WIPI1: variants seen among roughly 807,000 people sequenced by gnomAD.
WIPI1 encodes WD repeat domain, phosphoinositide interacting 1.
A neutral mutation model predicts 55.3 loss-of-function variants in WIPI1; 45 were observed. The observed-to-expected ratio is 0.81, with a 90% CI of 0.64 to 1.04. WIPI1 has a LOEUF of 1.04. Ranked by LOEUF, WIPI1 falls within the 50% of genes least tolerant of loss-of-function variation. The pLI is 0.00. For missense variants in WIPI1, 445 were observed against 559.0 expected, an observed-to-expected ratio of 0.80 and a Z score of 2.06; for synonymous variants, 195 against 217.6, an observed-to-expected ratio of 0.90 and a Z score of 0.92.
chr17:68,426,254 GCTCAAATAA>G, intron 11 of WIPI1, 79 bp from the exon 12 acceptor site: 1 of 816,922 alleles, frequency 1.2e-6, no homozygotes, highest in Non-Finnish European at 1.9e-6. Context: ...GGGAGCGGGG[GCTCAAATAA>G]AGGGCAAAGG....
At chr17:68,449,203 A>C (rs1022871637) in intron 3 of WIPI1, among the ~76,000 whole-genome samples, 10 of 152,266 alleles carry the variant, frequency 6.6e-5, no homozygotes, top group Non-Finnish European at 1.5e-4. Flanking sequence ...GCATGGTCAC[A>C]TAAAGAATCT....
At chr17:68,426,985 TCCAC>T in intron 11 of WIPI1, 146 bp downstream of exon 11, 1 of 663,192 alleles carries the variant, frequency 1.5e-6, no homozygotes, top group Admixed American at 2.8e-5. Context: ...AGGAGAGCAC[TCCAC>T]CCCCAGGTAA....
intron 5 of WIPI1, 85 bp downstream of exon 5, chr17:68,436,297 A>G (rs2083782751): frequency 7.9e-7 from 1 of 1,266,470 alleles, no homozygotes; most frequent in Admixed American, 1.7e-5. Flanking sequence ...CCAGCCCCCG[A>G]CGGCAGGGCG....
At position 68,421,824 on chromosome 17, in the gene WIPI1, C is replaced by T. The variant is rs1600224362; in HGVS notation, c.1294-4G>A. 1.2e-6 allele frequency: 2 copies of T among 1,614,162 alleles called. No homozygotes were observed. Among genetic ancestry groups the T allele is most frequent in the Non-Finnish European group, 1.7e-6 (2 of 1,180,026 alleles). On this transcript the variant is annotated splice_polypyrimidine_tract_variant and splice_region_variant and intron_variant, in intron 12 of 12. Transcript: ENST00000262139. ...GATTTCCACGGCACAAGATTATCTA[C>T]CAAAATCAAAACAGAATGGCCTTAC...
At chr17:68,456,995 T>TCTC in intron 1 of WIPI1, among the ~76,000 whole-genome samples, 1 of 152,296 alleles carries the variant, frequency 6.6e-6, no homozygotes, top group East Asian at 1.9e-4. Context: ...GGCCACTGTC[T>TCTC]CTCTTCCCCA....
At position 68,433,471 on chromosome 17, in the gene WIPI1, T is replaced by TTGG; in HGVS notation, c.794_796dup (p.Thr265dup). On this transcript the variant is annotated inframe_insertion, in exon 8 of 13. Coordinates refer to ENST00000262139, the MANE Select transcript of WIPI1 (RefSeq NM_017983.7). ...TGGTGCCCCGCGGAGTACTTGCCTG[T>TTGG]TGGTGACCTGTTCCAGCTTGAAGAT... 1.9e-6 allele frequency: 3 copies of TTGG among 1,614,018 alleles called. No homozygotes were observed. Among genetic ancestry groups the TTGG allele is most frequent in the Non-Finnish European group, 2.5e-6 (3 of 1,179,968 alleles).
intron 12 of WIPI1, chr17:68,422,809 T>C (rs1272497771): frequency 6.6e-6 from 1 of 150,384 alleles, no homozygotes; most frequent in South Asian, 2.1e-4. Context: ...GCTCACAAGA[T>C]TGGGACTAGT....
At chr17:68,444,133 G>A (rs1410198048) in intron 4 of WIPI1, among the ~76,000 whole-genome samples, 5 of 152,074 alleles carry the variant, frequency 3.3e-5, no homozygotes, top group African/African-American at 7.2e-5. Context: ...TAATTATCAC[G>A]CCTACTCTGT....
rs968938618 is a variant in WIPI1 at position 68,457,386 on chromosome 17, C to T, written c.36G>A (p.Gly12=). 9 of 1,537,860 alleles carry T rather than the reference C, an allele frequency of 5.9e-6. No individual in the cohort carries two copies. The African/African-American group carries it at 1.3e-4, about 22-fold the overall frequency. The change falls in exon 1 of 13, where the codon GGG becomes GGA. Residue 12 remains glycine (G), a synonymous_variant. Coordinates refer to ENST00000262139, the MANE Select transcript of WIPI1 (RefSeq NM_017983.7). The part of the protein sequence containing the change: ...EAEAADAPPG[G]VESALSCFSF... Reference sequence around the variant, plus strand: ...AGAAGCAGCTGAGCGCCGACTCAACCCCGCCCGGGGGAGCGTCCGCGGCCT... The same window carrying T: ...AGAAGCAGCTGAGCGCCGACTCAACTCCGCCCGGGGGAGCGTCCGCGGCCT...
Position 68,430,143 on chromosome 17 carries a change from G to A in WIPI1, c.818C>T (p.Ser273Leu), listed in dbSNP as rs755242943. The A allele has an allele frequency of 2.5e-6, 4 of 1,613,302 alleles. No homozygotes were observed. Among genetic ancestry groups the A allele is most frequent in the East Asian group, 4.5e-5 (2 of 44,892 alleles). Reference sequence around the variant, plus strand: ...CTTTCCCATGTAGCCACTCCAGGTCGAAGGCTCTTCTGGTCGACTAGGGAG... The same window carrying A: ...CTTTCCCATGTAGCCACTCCAGGTCAAAGGCTCTTCTGGTCGACTAGGGAG... ...QVTNSRPEEP[S>L]TWSGYMGKMF... Residue 273 changes from serine (S) to leucine (L), a missense_variant, in exon 9 of 13, where the codon TCG becomes TTG. Transcript: ENST00000262139.
intron 3 of WIPI1, among the ~76,000 whole-genome samples, chr17:68,447,686 A>G (rs1389739366): frequency 2.6e-5 from 4 of 151,934 alleles, no homozygotes; most frequent in African/African-American, 7.3e-5. Flanking sequence ...TTTCCTTCCT[A>G]TATACTTAGA....
intron 9 of WIPI1, among the ~76,000 whole-genome samples, chr17:68,429,705 C>T (rs982921505): frequency 1.8e-4 from 28 of 152,138 alleles, no homozygotes; most frequent in African/African-American, 3.9e-4. Flanking sequence ...TCTCCTGCCC[C>T]AACCTCCCAA....
intron 1 of WIPI1, 136 bp downstream of exon 1, chr17:68,457,206 A>G (rs910033032): frequency 4.8e-6 from 5 of 1,032,774 alleles, no homozygotes; most frequent in South Asian, 4.7e-5. Context: ...CAAGATCCCA[A>G]TGCGTCCGAA....
chr17:68,457,333 G>T lies in WIPI1; in HGVS notation c.80+9C>A. On this transcript the variant is annotated intron_variant, in intron 1 of 12. Transcript: ENST00000262139. ...CCACCTCCCTGGCAGGGGCCGAGTC[G>T]CAGCTTACGTGCAGTCCTGGTTGAA... The T allele has an allele frequency of 6.5e-7, 1 of 1,544,514 alleles. No individual in the cohort carries two copies. Among genetic ancestry groups the T allele is most frequent in the Non-Finnish European group, 8.7e-7 (1 of 1,144,362 alleles).
At chr17:68,447,237 A>T (rs2084319701) in intron 3 of WIPI1, among the ~76,000 whole-genome samples, 2 of 152,204 alleles carry the variant, frequency 1.3e-5, no homozygotes, top group Non-Finnish European at 1.5e-5. Flanking sequence ...CTGCAAAAGA[A>T]CTGTAAAAGT....
intron 2 of WIPI1, among the ~76,000 whole-genome samples, chr17:68,451,632 G>A (rs1290203553): frequency 6.6e-6 from 1 of 152,192 alleles, no homozygotes; most frequent in African/African-American, 2.4e-5. Context: ...TGACTTCTCA[G>A]TTGGGAACTT....
intron 11 of WIPI1, 75 bp from the exon 12 acceptor site, chr17:68,426,250 G>GGGGGGGA: frequency 1.2e-6 from 1 of 828,058 alleles, no homozygotes; most frequent in Non-Finnish European, 1.9e-6. Flanking sequence ...GGTGGGGAGC[G>GGGGGGGA]GGGGCTCAAA....
chr17:68,450,466 G>A (rs2084455763), intron 3 of WIPI1, among the ~76,000 whole-genome samples: 1 of 152,186 alleles, frequency 6.6e-6, no homozygotes, highest in Non-Finnish European at 1.5e-5. Context: ...TGCCCAATCT[G>A]TACCCTAGGG....
rs1171246485 is a variant in WIPI1, at chr17:68,437,947, TTAAAAAAAAA to T, written c.431-1478_431-1469del. The stretch of plus-strand genomic sequence containing the variant: ...AGATCACGCAAGAGAGACATCTCTC[TTAAAAAAAAA>T]AAAAAAAAAAAAAAAAGTGACTGGC... On this transcript the variant is annotated intron_variant, in intron 4 of 12. Transcript: ENST00000262139. Among the ~76,000 whole-genome samples, 4 of 58,810 alleles carry T rather than the reference TTAAAAAAAAA, an allele frequency of 6.8e-5. 1 individual carries two copies. In the South Asian group the frequency reaches 1.9e-3, roughly 29 times the overall value. The allele number at this position is 58,810 out of a possible 152,430, so 38.6% of individuals were successfully genotyped here.
Sources: allele counts gnomAD v4.1 joint callset (sites outside exome capture counted in the v4.1 genomes callset), GRCh38; gene constraint gnomAD v4.1.1; transcripts MANE v1.5; gene names NCBI Gene and HGNC (gene_info 2026-07-23, HGNC 2026-07-21).